The following LYSET variants were observed in gnomAD, a reference collection of about 807,000 sequenced individuals.
LYSET encodes the protein lysosomal enzyme trafficking factor.
chr14:93,185,486 G>A, the LYSET span: 30 of 1,611,140 alleles, frequency 1.9e-5, no homozygotes, highest in Non-Finnish European at 2.5e-5. Context: ...CGGGACCATT[G>A]TAAGTGCTTA....
chr14:93,187,633 T>G, the LYSET span, among the ~76,000 whole-genome samples: 1 of 152,242 alleles, frequency 6.6e-6, no homozygotes, highest in South Asian at 2.1e-4. Context: ...TTTATTTAAA[T>G]TATTATTATT....
At chr14:93,185,104 C>A in the LYSET span, 7 of 150,874 alleles carry the variant, frequency 4.6e-5, no homozygotes, top group African/African-American at 1.7e-4. Context: ...GCTCGCGGCG[C>A]TGCAAGGCGG....
the LYSET span, among the ~76,000 whole-genome samples, chr14:93,188,169 G>C: frequency 2.6e-5 from 4 of 151,918 alleles, no homozygotes; most frequent in African/African-American, 9.7e-5. Context: ...ATGTTGTCCA[G>C]GCTGGTCCCG....
At chr14:93,186,451 T>G in the LYSET span, 89 of 1,614,238 alleles carry the variant, frequency 5.5e-5, no homozygotes, top group East Asian at 1.7e-3. Flanking sequence ...ACACACTCCT[T>G]GAAAGCTCAA....
At chr14:93,186,528 T>C in the LYSET span, 1 of 1,614,238 alleles carries the variant, frequency 6.2e-7, no homozygotes, top group Non-Finnish European at 8.5e-7. Flanking sequence ...GATGTTTTTG[T>C]TCCTATACTC....
chr14:93,186,574 G>C, the LYSET span: 3 of 1,614,074 alleles, frequency 1.9e-6, no homozygotes, highest in African/African-American at 4.0e-5. Context: ...GTGGGCTACT[G>C]TATCATCCCT....
chr14:93,186,132 G>A, the LYSET span: 22 of 836,320 alleles, frequency 2.6e-5, no homozygotes, highest in Non-Finnish European at 4.1e-5. Flanking sequence ...GCCTCCCAAA[G>A]TGCTGGGATT....
At chr14:93,185,443 C>CT in the LYSET span, 1 of 1,613,606 alleles carries the variant, frequency 6.2e-7, no homozygotes. Flanking sequence ...CTGAGTGACT[C>CT]TTTAACGCTT....
chr14:93,187,344 G>A, the LYSET span, among the ~76,000 whole-genome samples: 12 of 151,880 alleles, frequency 7.9e-5, no homozygotes, highest in Non-Finnish European at 5.9e-5. Context: ...GGCAGGTCTC[G>A]AACTCCTGGG....
At chr14:93,186,156 A>C in the LYSET span, 2 of 1,188,314 alleles carry the variant, frequency 1.7e-6, no homozygotes, top group Non-Finnish European at 1.2e-6. Context: ...GGCGCGAGCC[A>C]CCGCGCCCGG....
the LYSET span, among the ~76,000 whole-genome samples, chr14:93,187,316 G>T: frequency 6.6e-6 from 1 of 152,062 alleles, no homozygotes; most frequent in Non-Finnish European, 1.5e-5. Context: ...GGAGAATGGG[G>T]TCTCGCTATG....
chr14:93,186,464 A>G, the LYSET span: 2 of 1,613,936 alleles, frequency 1.2e-6, no homozygotes, highest in Non-Finnish European at 8.5e-7. Flanking sequence ...AAGCTCAATT[A>G]CTCTCCTTGC....
the LYSET span, chr14:93,185,534 A>G: frequency 1.3e-6 from 2 of 1,488,070 alleles, no homozygotes; most frequent in African/African-American, 2.8e-5. Context: ...GACTTGTAGC[A>G]CCCCGCGTTC....
chr14:93,187,466 C>T, the LYSET span, among the ~76,000 whole-genome samples: 1 of 151,796 alleles, frequency 6.6e-6, no homozygotes, highest in African/African-American at 2.4e-5. Flanking sequence ...ACTTGTGACA[C>T]AGTCTCAGAA....
the LYSET span, chr14:93,186,470 C>G: frequency 6.2e-7 from 1 of 1,614,100 alleles, no homozygotes; most frequent in African/African-American, 1.3e-5. Context: ...AATTACTCTC[C>G]TTGCCTTTTT....
the LYSET span, chr14:93,185,014 G>T: frequency 7.6e-5 from 12 of 157,208 alleles, no homozygotes; most frequent in African/African-American, 2.9e-4. Flanking sequence ...GGGCGGGCTG[G>T]CCACCACGGG....
the LYSET span, chr14:93,185,539 G>T: frequency 4.8e-6 from 7 of 1,447,384 alleles, no homozygotes; most frequent in Admixed American, 1.2e-4. Flanking sequence ...GTAGCACCCC[G>T]CGTTCACGTC....
chr14:93,185,494 T>A, the LYSET span: 1 of 1,608,484 alleles, frequency 6.2e-7, no homozygotes, highest in South Asian at 1.1e-5. Context: ...TTGTAAGTGC[T>A]TAGGAGTTAC....
the LYSET span, chr14:93,186,160 C>T: frequency 3.8e-5 from 48 of 1,254,462 alleles, 1 homozygote; most frequent in East Asian, 1.6e-4. Context: ...CGAGCCACCG[C>T]GCCCGGCCTA....
Sources: allele counts gnomAD v4.1 joint callset (sites outside exome capture counted in the v4.1 genomes callset), GRCh38; gene constraint gnomAD v4.1.1; transcripts MANE v1.5; gene names NCBI Gene and HGNC (gene_info 2026-07-23, HGNC 2026-07-21).